Variants in SCHIP1 observed in about 807,000 individuals in gnomAD.
SCHIP1 encodes the protein schwannomin interacting protein 1, also known as schwannomin-interacting protein 1.
A neutral mutation model predicts 29.7 loss-of-function variants in SCHIP1; 8 were observed. That is an observed-to-expected ratio of 0.27 (90% CI 0.16 to 0.49). The LOEUF is 0.49. SCHIP1 is among the 20% of genes least tolerant of loss of function. The pLI, the probability that SCHIP1 is intolerant of heterozygous loss-of-function variation, is 0.99. For missense variants in SCHIP1, 193 were observed against 294.6 expected, an observed-to-expected ratio of 0.66 and a Z score of 2.52; for synonymous variants, 76 against 94.9, an observed-to-expected ratio of 0.80 and a Z score of 1.16.
chr3:159,468,718 T>TTA, the SCHIP1 span, among the ~76,000 whole-genome samples: 735 of 144,766 alleles, frequency 5.1e-3, 6 homozygotes, highest in African/African-American at 0.017. Context: ...CACGAGTGTT[T>TTA]TATATATATA....
the SCHIP1 span, among the ~76,000 whole-genome samples, chr3:159,690,458 T>C: frequency 6.6e-6 from 1 of 152,220 alleles, no homozygotes; most frequent in African/African-American, 2.4e-5. Context: ...TTATCATTTT[T>C]TATTGTGTCT....
At chr3:159,562,576 C>T in the SCHIP1 span, among the ~76,000 whole-genome samples, 2 of 152,200 alleles carry the variant, frequency 1.3e-5, no homozygotes, top group Admixed American at 6.5e-5. Flanking sequence ...AGACAGAGAC[C>T]TTTAAGTGTC....
chr3:159,470,048 CAT>C, the SCHIP1 span, among the ~76,000 whole-genome samples: 1 of 152,048 alleles, frequency 6.6e-6, no homozygotes, highest in African/African-American at 2.4e-5. Flanking sequence ...TGAAAACCCA[CAT>C]GATTATCAAT....
the SCHIP1 span, among the ~76,000 whole-genome samples, chr3:159,825,143 T>A: frequency 6.6e-6 from 1 of 152,228 alleles, no homozygotes; most frequent in African/African-American, 2.4e-5. Context: ...GCTGGGCTAT[T>A]TCTGGAACTA....
At chr3:159,804,776 A>T in the SCHIP1 span, among the ~76,000 whole-genome samples, 6 of 152,186 alleles carry the variant, frequency 3.9e-5, no homozygotes, top group African/African-American at 1.4e-4. Context: ...TGTTTGTTTC[A>T]TTGGCCCAAT....
chr3:159,427,285 G>T, the SCHIP1 span, among the ~76,000 whole-genome samples: 1 of 151,500 alleles, frequency 6.6e-6, no homozygotes, highest in Non-Finnish European at 1.5e-5. Flanking sequence ...CGACATGATT[G>T]TATATATAGA....
At chr3:159,801,988 C>T in the SCHIP1 span, among the ~76,000 whole-genome samples, 2 of 151,788 alleles carry the variant, frequency 1.3e-5, no homozygotes, top group Non-Finnish European at 2.9e-5. Flanking sequence ...GAAACTAAGT[C>T]TTAAGGAAGT....
chr3:159,453,392 T>C, the SCHIP1 span, among the ~76,000 whole-genome samples: 3 of 151,960 alleles, frequency 2.0e-5, no homozygotes, highest in African/African-American at 7.3e-5. Context: ...GCTCAGGGAG[T>C]GTCTGTGTTA....
chr3:159,453,674 C>A, the SCHIP1 span, among the ~76,000 whole-genome samples: 5 of 152,236 alleles, frequency 3.3e-5, no homozygotes, highest in Middle Eastern at 3.4e-3. Flanking sequence ...ATATAAAGCA[C>A]CCCATAAATA....
At chr3:159,498,522 C>G in the SCHIP1 span, among the ~76,000 whole-genome samples, 3 of 152,128 alleles carry the variant, frequency 2.0e-5, no homozygotes, top group African/African-American at 7.2e-5. Flanking sequence ...ACCAACAGAG[C>G]TGAGTGGAGG....
At chr3:159,423,002 C>A in the SCHIP1 span, among the ~76,000 whole-genome samples, 1 of 152,156 alleles carries the variant, frequency 6.6e-6, no homozygotes, top group African/African-American at 2.4e-5. Context: ...TGTAAGTGAC[C>A]TGATTGTTCT....
chr3:159,538,222 GATACAGCCACAA>G, the SCHIP1 span, among the ~76,000 whole-genome samples: 1 of 150,392 alleles, frequency 6.6e-6, no homozygotes, highest in South Asian at 2.1e-4. Context: ...GAAGTTTTAG[GATACAGCCACAA>G]ATAACTCAAG....
chr3:159,676,935 C>T, the SCHIP1 span, among the ~76,000 whole-genome samples: 2 of 152,128 alleles, frequency 1.3e-5, no homozygotes, highest in Non-Finnish European at 2.9e-5. Context: ...ATTACGTCTA[C>T]AGCAACACAT....
At chr3:159,780,411 T>C in the SCHIP1 span, among the ~76,000 whole-genome samples, 2 of 152,202 alleles carry the variant, frequency 1.3e-5, no homozygotes, top group African/African-American at 4.8e-5. Flanking sequence ...TTAATAACAG[T>C]GGGCAGTCTC....
the SCHIP1 span, among the ~76,000 whole-genome samples, chr3:159,588,849 T>C: frequency 6.6e-6 from 1 of 152,258 alleles, no homozygotes; most frequent in South Asian, 2.1e-4. Flanking sequence ...AGTACCATGC[T>C]GTTTTGGTTA....
At chr3:159,752,973 C>T in the SCHIP1 span, among the ~76,000 whole-genome samples, 1 of 152,188 alleles carries the variant, frequency 6.6e-6, no homozygotes, top group Non-Finnish European at 1.5e-5. Flanking sequence ...GTAAATGCTA[C>T]AATGAGCCTC....
the SCHIP1 span, among the ~76,000 whole-genome samples, chr3:159,669,964 G>A: frequency 6.6e-6 from 1 of 152,178 alleles, no homozygotes; most frequent in Non-Finnish European, 1.5e-5. Flanking sequence ...TCTATTGTAA[G>A]CAACAAGCTT....
the SCHIP1 span, among the ~76,000 whole-genome samples, chr3:159,375,248 T>A: frequency 5.9e-4 from 90 of 152,222 alleles, no homozygotes; most frequent in African/African-American, 2.0e-3. Context: ...GCTTTGACAG[T>A]ATCCAAAGAA....
the SCHIP1 span, among the ~76,000 whole-genome samples, chr3:159,337,189 A>C: frequency 2.6e-5 from 4 of 152,268 alleles, no homozygotes; most frequent in East Asian, 3.9e-4. Context: ...TATTGATGGG[A>C]TGTATCTCAA....
Sources: allele counts gnomAD v4.1 joint callset (sites outside exome capture counted in the v4.1 genomes callset), GRCh38; gene constraint gnomAD v4.1.1; transcripts MANE v1.5; gene names NCBI Gene and HGNC (gene_info 2026-07-23, HGNC 2026-07-21).